ZNF512: variants seen among roughly 807,000 people sequenced by gnomAD.
ZNF512 encodes zinc finger protein 512.
A neutral mutation model predicts 77.5 loss-of-function variants in ZNF512; 25 were observed. The observed-to-expected ratio is 0.32, with a 90% confidence interval of 0.23 to 0.45. The LOEUF is 0.45. Among genes scored for constraint, ZNF512 ranks in the 20% least tolerant of loss-of-function variants. The probability of loss-of-function intolerance (pLI) is 1.00; values close to 1 mark genes in which losing one functional copy is unlikely to be tolerated. For synonymous variants in ZNF512, 246 were observed against 239.9 expected (o/e 1.03, Z -0.24); for missense variants, 483 against 692.6 (o/e 0.70, Z 3.40).
intron 13 of ZNF512, among the ~76,000 whole-genome samples, chr2:27,620,444 C>T (rs759609377): frequency 3.3e-5 from 5 of 152,114 alleles, no homozygotes; most frequent in Admixed American, 6.6e-5. Context: ...TGATTGCACC[C>T]TATGATAGTA....
At chr2:27,594,836 G>A (rs1477385415) in intron 2 of ZNF512, among the ~76,000 whole-genome samples, 1 of 152,212 alleles carries the variant, frequency 6.6e-6, no homozygotes, top group Non-Finnish European at 1.5e-5. Context: ...TCCAGCCTGG[G>A]CAACATTGAG....
Position 27,600,870 on chromosome 2 carries a change from CTTCTT to C in ZNF512, c.582+58_582+62del. ...ACGATATTTTTACCCAAACTTTAGA[CTTCTT>C]TTGCTATGTTGGATATGCTGGTTAT... On this transcript the variant is annotated intron_variant, in intron 6 of 13. Transcript: ENST00000355467. 4 of 1,587,380 alleles carry C rather than the reference CTTCTT, an allele frequency of 2.5e-6. No individual in the cohort carries two copies. The South Asian group carries it at 3.5e-5, about 14-fold the overall frequency.
intron 3 of ZNF512, among the ~76,000 whole-genome samples, chr2:27,598,529 T>C (rs1465365273): frequency 6.6e-6 from 1 of 150,800 alleles, no homozygotes; most frequent in Admixed American, 6.6e-5. Flanking sequence ...CTCAGGAGGC[T>C]GAGGCAGGAG....
At chr2:27,583,851 A>G in intron 2 of ZNF512, 135 bp downstream of exon 2, 1 of 1,001,446 alleles carries the variant, frequency 1.0e-6, no homozygotes, top group Non-Finnish European at 1.4e-6. Context: ...GATTTTGAGC[A>G]GTTGAAATGT....
chr2:27,583,089 A>G lies in ZNF512; in HGVS notation c.-24A>G. 2 of 1,613,682 alleles carry G rather than the reference A, an allele frequency of 1.2e-6. No homozygotes were observed. Among genetic ancestry groups the G allele is most frequent in the South Asian group, 1.1e-5 (1 of 91,058 alleles). ...GGTCTGGCCGGAGCCCTTGGGTGAA[A>G]TTGTTAGGCGTGGAGAGGGAGTGAT... On this transcript the variant is annotated 5_prime_UTR_variant, in exon 1 of 14. Transcript: ENST00000355467.
rs534032763 is a variant in ZNF512, at chr2:27,583,322, C to T, written c.30+180C>T. Reference sequence around the variant, plus strand: ...CCCACGTTCTGCTGCCTGTTCCCCACCTCCTTGGATTTAATTCCTCGCCAC... The same window carrying T: ...CCCACGTTCTGCTGCCTGTTCCCCATCTCCTTGGATTTAATTCCTCGCCAC... On this transcript the variant is annotated intron_variant, in intron 1 of 13. Transcript: ENST00000355467. 23 of 1,263,384 alleles carry T rather than the reference C, an allele frequency of 1.8e-5. 1 individual carries two copies. The highest frequency in any genetic ancestry group is 1.0e-4 in the African/African-American group (7 of 67,370). 78.3% of individuals were successfully genotyped at this position (1,263,384 alleles called of 1,614,324 possible).
chr2:27,594,606 A>G (rs539718413), intron 2 of ZNF512, among the ~76,000 whole-genome samples: 1 of 141,896 alleles, frequency 7.0e-6, no homozygotes, highest in African/African-American at 2.7e-5. Flanking sequence ...CACTTCCTAG[A>G]CGGGGTGGCG....
chr2:27,614,284 C>T (rs1201882251), intron 10 of ZNF512, among the ~76,000 whole-genome samples: 1 of 152,160 alleles, frequency 6.6e-6, no homozygotes, highest in Non-Finnish European at 1.5e-5. Context: ...TCTCTCCTCT[C>T]TGGAAACTCT....
At chr2:27,591,596 A>G (rs1671581357) in intron 2 of ZNF512, among the ~76,000 whole-genome samples, 1 of 152,272 alleles carries the variant, frequency 6.6e-6, no homozygotes, top group Admixed American at 6.5e-5. Context: ...TTTTTAGTAG[A>G]GATGGGGTTT....
At chr2:27,610,179 A>T (rs1397563189) in intron 10 of ZNF512, among the ~76,000 whole-genome samples, 1 of 151,764 alleles carries the variant, frequency 6.6e-6, no homozygotes, top group Non-Finnish European at 1.5e-5. Flanking sequence ...CCTGGCTACC[A>T]CAGTGAAACC....
intron 2 of ZNF512, among the ~76,000 whole-genome samples, chr2:27,596,702 G>T (rs1257896206): frequency 6.6e-6 from 1 of 152,166 alleles, no homozygotes; most frequent in Non-Finnish European, 1.5e-5. Context: ...GGGCTTAGCT[G>T]CCCCTCCAGA....
At chr2:27,610,566 ATATTTTTTTTTTTTTT>A (rs1219936735) in intron 10 of ZNF512, among the ~76,000 whole-genome samples, 3 of 27,028 alleles carry the variant, frequency 1.1e-4, no homozygotes, top group Admixed American at 4.7e-4. Flanking sequence ...ATATATATAT[ATATTTTTTTTTTTTTT>A]TTTTTTTTTT....
At chr2:27,587,976 A>G (rs981747238) in intron 2 of ZNF512, among the ~76,000 whole-genome samples, 2 of 151,598 alleles carry the variant, frequency 1.3e-5, no homozygotes, top group Non-Finnish European at 3.0e-5. Flanking sequence ...CACCGCGCCC[A>G]GCCTTCATCT....
rs10187891 is a variant in ZNF512, at chr2:27,601,078, T to A, written c.582+263T>A. Among the ~76,000 whole-genome samples the A allele has an allele frequency of 3.3e-3, 504 of 152,336 alleles. 4 individuals are homozygous for A. Among genetic ancestry groups the A allele is most frequent in the African/African-American group, 0.012 (486 of 41,592 alleles). Reference sequence around the variant, plus strand: ...TAAATACAAAATAATAAAAACCTTATGTAGTCCATGAGAGGATAAGAAAGA... The same window carrying A: ...TAAATACAAAATAATAAAAACCTTAAGTAGTCCATGAGAGGATAAGAAAGA... On this transcript the variant is annotated intron_variant, in intron 6 of 13. Coordinates refer to ENST00000355467, the MANE Select transcript of ZNF512 (RefSeq NM_032434.4).
At chr2:27,589,095 A>C (rs1041752681) in intron 2 of ZNF512, among the ~76,000 whole-genome samples, 1 of 152,152 alleles carries the variant, frequency 6.6e-6, no homozygotes, top group East Asian at 1.9e-4. Context: ...TTAATTTATT[A>C]GTTCTAGTAA....
rs866462698 is a variant in ZNF512, at chr2:27,622,209, C to G, written c.*748C>G. The G allele has an allele frequency of 1.3e-5, 2 of 152,312 alleles. No homozygotes were observed. Among genetic ancestry groups the G allele is most frequent in the East Asian group, 1.9e-4 (1 of 5,330 alleles). 9.4% of individuals were successfully genotyped at this position (152,312 alleles called of 1,614,324 possible). A position where few individuals can be genotyped will look rare whatever the true frequency, so the allele number is the denominator to read the frequency against. On this transcript the variant is annotated 3_prime_UTR_variant, in exon 14 of 14. Transcript: ENST00000355467. Reference sequence around the variant, plus strand: ...CAGCAATAAATACTGCCCCAACTTTCCTGGAGCCCGAGGCCTCATCCATAG... The same window carrying G: ...CAGCAATAAATACTGCCCCAACTTTGCTGGAGCCCGAGGCCTCATCCATAG...
At chr2:27,602,355 C>T in intron 7 of ZNF512, 108 bp from the exon 8 acceptor site, 1 of 1,069,490 alleles carries the variant, frequency 9.4e-7, no homozygotes, top group South Asian at 1.7e-5. Context: ...GCTTCATTGG[C>T]ACCAGCTTAG....
chr2:27,598,426 G>C (rs1417086573), intron 3 of ZNF512, among the ~76,000 whole-genome samples, 172 bp downstream of exon 3: 1 of 152,070 alleles, frequency 6.6e-6, no homozygotes, highest in East Asian at 1.9e-4. Context: ...TCAGGAGATC[G>C]AGACCATCCT....
chr2:27,611,759 G>A (rs796457995), intron 10 of ZNF512, among the ~76,000 whole-genome samples: 25 of 150,218 alleles, frequency 1.7e-4, no homozygotes, highest in African/African-American at 5.4e-4. Flanking sequence ...GTGCATTGGC[G>A]TGGTCTCGGC....
Sources: allele counts gnomAD v4.1 joint callset (sites outside exome capture counted in the v4.1 genomes callset), GRCh38; gene constraint gnomAD v4.1.1; transcripts MANE v1.5; gene names NCBI Gene and HGNC (gene_info 2026-07-23, HGNC 2026-07-21).